The following XPNPEP3 variants were observed in gnomAD, a reference collection of about 807,000 sequenced individuals.
XPNPEP3 encodes X-prolyl aminopeptidase 3.
Under a neutral mutation model 60.0 loss-of-function variants are expected in XPNPEP3, and 41 were observed. That is an observed-to-expected ratio of 0.68 (90% confidence interval 0.53 to 0.89). The LOEUF (loss-of-function observed/expected upper bound fraction) is 0.89. XPNPEP3 is among the 40% of genes least tolerant of loss of function. The probability of loss-of-function intolerance (pLI) is 0.00; values close to 1 mark genes in which losing one functional copy is unlikely to be tolerated. For missense variants in XPNPEP3, 598 were observed against 638.9 expected (o/e 0.94, Z 0.69); for synonymous variants, 212 against 223.2 (o/e 0.95, Z 0.45).
chr22:40,859,191 G>A (rs533762745), intron 1 of XPNPEP3, among the ~76,000 whole-genome samples: 1 of 152,190 alleles, frequency 6.6e-6, no homozygotes, highest in Non-Finnish European at 1.5e-5. Context: ...GAGAAGTTGG[G>A]CTAGAGCATA....
chr22:40,907,493 A>C, intron 4 of XPNPEP3, 94 bp from the exon 5 acceptor site: 1 of 1,296,022 alleles, frequency 7.7e-7, no homozygotes, highest in Non-Finnish European at 1.1e-6. Flanking sequence ...ATTGTGGGAA[A>C]AGGTGCTTTT....
In XPNPEP3 at chr22:40,886,324, A is replaced by G. The variant is rs781186932; in HGVS notation, c.601A>G (p.Met201Val). 3.7e-6 allele frequency: 6 copies of G among 1,614,060 alleles called. No homozygotes were observed. The South Asian group carries it at 6.6e-5, about 18-fold the overall frequency. The change falls in exon 4 of 10, where the codon ATG (methionine) becomes GTG (valine). Residue 201 changes from methionine (M) to valine (V), a missense_variant. Transcript: ENST00000357137. ...LLPKMKAETN[M>V]VWYDWMRPSH... ...CTTCTCATTCTAAGCTGAGACGAAC[A>G]TGGTTTGGTATGACTGGATGAGGCC...
intron 4 of XPNPEP3, among the ~76,000 whole-genome samples, chr22:40,905,454 G>A (rs1031633746): frequency 2.0e-5 from 3 of 152,108 alleles, no homozygotes; most frequent in Non-Finnish European, 2.9e-5. Flanking sequence ...CACTGCTCTG[G>A]GTTCTGAGGA....
intron 2 of XPNPEP3, among the ~76,000 whole-genome samples, chr22:40,877,201 T>C (rs1242974845): frequency 3.3e-5 from 5 of 152,222 alleles, no homozygotes; most frequent in African/African-American, 1.2e-4. Context: ...ATTCAGTCAT[T>C]GCATTTTTTC....
intron 7 of XPNPEP3, among the ~76,000 whole-genome samples, chr22:40,916,346 A>G (rs6002199): frequency 0.12 from 18,422 of 152,136 alleles, 2,016 homozygotes; most frequent in African/African-American, 0.29. Flanking sequence ...ATTAGCAGAA[A>G]GACTCTAAAG....
chr22:40,902,444 G>A (rs1224954348), intron 4 of XPNPEP3, among the ~76,000 whole-genome samples: 2 of 151,994 alleles, frequency 1.3e-5, no homozygotes, highest in South Asian at 2.1e-4. Flanking sequence ...TAGAGATGGG[G>A]TTTCACCATG....
At chr22:40,900,381 G>T (rs1244964449) in intron 4 of XPNPEP3, among the ~76,000 whole-genome samples, 1 of 151,442 alleles carries the variant, frequency 6.6e-6, no homozygotes, top group Admixed American at 6.6e-5. Context: ...GAGGCCGGTG[G>T]ATCACCTGAA....
chr22:40,860,675 CAG>C (rs1368038021), intron 1 of XPNPEP3: 1 of 1,191,918 alleles, frequency 8.4e-7, no homozygotes, highest in Admixed American at 2.6e-5. Context: ...TTTTTTAAGA[CAG>C]GGTCTTACTT....
At position 40,927,585 on chromosome 22, in the gene XPNPEP3, T is replaced by C. The variant is rs2058238676; in HGVS notation, c.*1150T>C. On this transcript the variant is annotated 3_prime_UTR_variant, in exon 10 of 10. Transcript: ENST00000357137. Reference sequence around the variant, plus strand: ...AATTAATAAAAAGAAAAGAAAAAAATGATTTCTGGCCGGGCGTGGTGGCTC... The same window carrying C: ...AATTAATAAAAAGAAAAGAAAAAAACGATTTCTGGCCGGGCGTGGTGGCTC... 6.6e-6 allele frequency: 1 copy of C among 151,484 alleles called. No homozygotes were observed. The highest frequency in any genetic ancestry group is 2.4e-5 in the African/African-American group (1 of 41,238). The allele number at this position is 151,484 out of a possible 1,614,324, so 9.4% of individuals were successfully genotyped here.
At chr22:40,923,977 A>G (rs1320925212) in intron 8 of XPNPEP3, among the ~76,000 whole-genome samples, 1 of 152,188 alleles carries the variant, frequency 6.6e-6, no homozygotes, top group Non-Finnish European at 1.5e-5. Context: ...GAACATTGGA[A>G]AGAGAACTGT....
At position 40,902,273 on chromosome 22, in the gene XPNPEP3, T is replaced by C. The variant is rs1468132134; in HGVS notation, c.793-5314T>C. On this transcript the variant is annotated intron_variant, in intron 4 of 9. Transcript: ENST00000357137. Reference sequence around the variant, plus strand: ...TTTTTTTTTTTTTTTTTTTTTGAGGTGGAGTCTCGCTCTGTCGCCGAGGCT... The same window carrying C: ...TTTTTTTTTTTTTTTTTTTTTGAGGCGGAGTCTCGCTCTGTCGCCGAGGCT... Among the ~76,000 whole-genome samples, 4 of 99,164 alleles carry C rather than the reference T, an allele frequency of 4.0e-5. No homozygotes were observed. In the Admixed American group the frequency reaches 4.8e-4, roughly 12 times the overall value. 65.1% of individuals were successfully genotyped at this position (99,164 alleles called of 152,430 possible). A position where few individuals can be genotyped will look rare whatever the true frequency, so the allele number is the denominator to read the frequency against.
intron 7 of XPNPEP3, chr22:40,917,230 G>A (rs1229464279): frequency 1.3e-5 from 2 of 152,254 alleles, no homozygotes; most frequent in African/African-American, 4.8e-5. Context: ...TCTGCAACCA[G>A]TTAGAGGTTT....
intron 7 of XPNPEP3, among the ~76,000 whole-genome samples, chr22:40,914,821 GATA>G (rs1281541424): frequency 6.6e-6 from 1 of 151,858 alleles, no homozygotes; most frequent in African/African-American, 2.4e-5. Context: ...ATCCTCCATA[GATA>G]ATAATTATAA....
At chr22:40,886,219 T>C in intron 3 of XPNPEP3, 94 bp from the exon 4 acceptor site, 1 of 1,268,202 alleles carries the variant, frequency 7.9e-7, no homozygotes, top group African/African-American at 1.5e-5. Flanking sequence ...ACAGGTTTTA[T>C]AGTTTTGACT....
intron 2 of XPNPEP3, among the ~76,000 whole-genome samples, chr22:40,879,254 C>G (rs576141758): frequency 3.3e-5 from 5 of 152,156 alleles, no homozygotes; most frequent in Admixed American, 2.6e-4. Context: ...GCCCGTAAGG[C>G]CTCCACTTAT....
intron 3 of XPNPEP3, among the ~76,000 whole-genome samples, chr22:40,885,765 A>T (rs923126020): frequency 6.6e-6 from 1 of 152,172 alleles, no homozygotes; most frequent in Non-Finnish European, 1.5e-5. Flanking sequence ...CGGGTGGATC[A>T]CAAGTCAGGA....
intron 1 of XPNPEP3, chr22:40,862,595 A>G (rs2057956828): frequency 3.0e-6 from 3 of 985,378 alleles, no homozygotes; most frequent in Non-Finnish European, 3.6e-6. Flanking sequence ...CTAAACAATT[A>G]TATGAGAGAC....
intron 1 of XPNPEP3, among the ~76,000 whole-genome samples, chr22:40,858,408 C>T (rs1244077339): frequency 6.6e-6 from 1 of 152,114 alleles, no homozygotes; most frequent in African/African-American, 2.4e-5. Context: ...GAAAGGCTCT[C>T]CCCAGCCTGA....
chr22:40,862,217 G>A (rs1368232076), intron 1 of XPNPEP3: 9 of 1,323,250 alleles, frequency 6.8e-6, no homozygotes, highest in Middle Eastern at 5.9e-4. Context: ...GTCATTCTGG[G>A]GTCAGTGTAG....
Sources: gnomAD v4.1 joint callset for allele counts (sites outside exome capture counted in the v4.1 genomes callset) on GRCh38, gnomAD v4.1.1 for gene constraint, MANE v1.5 for transcripts, NCBI Gene and HGNC (gene_info 2026-07-23, HGNC 2026-07-21) for gene names.